The following TNFRSF9 variants were observed in gnomAD, a reference collection of about 807,000 sequenced individuals.
The protein encoded by TNFRSF9 is tumor necrosis factor receptor superfamily member 9.
Under a neutral mutation model 28.8 loss-of-function variants are expected in TNFRSF9, and 16 were observed. The observed-to-expected ratio is 0.55, with a 90% CI of 0.38 to 0.84. The LOEUF (loss-of-function observed/expected upper bound fraction) is 0.84, where lower values mean the gene tolerates loss of function less well. TNFRSF9 is among the 40% of genes least tolerant of loss of function. TNFRSF9 has a pLI of 0.00. For synonymous variants in TNFRSF9, 131 were observed against 117.0 expected, an observed-to-expected ratio of 1.12 and a Z score of -0.77; for missense variants, 303 against 315.0, an observed-to-expected ratio of 0.96 and a Z score of 0.29.
rs922010223 is a variant in TNFRSF9 at position 7,916,548 on chromosome 1, T to A, written c.*4287A>T. 6.6e-6 allele frequency: 1 copy of A among 152,208 alleles called. No individual in the cohort carries two copies. The highest frequency in any genetic ancestry group is 2.4e-5 in the African/African-American group (1 of 41,442). The allele number at this position is 152,208 out of a possible 1,614,324, so 9.4% of individuals were successfully genotyped here. A position where few individuals can be genotyped will look rare whatever the true frequency, so the allele number is the denominator to read the frequency against. On this transcript the variant is annotated 3_prime_UTR_variant, in exon 8 of 8. Coordinates refer to ENST00000377507, the MANE Select transcript of TNFRSF9 (RefSeq NM_001561.6). ...CATTATCTTGGATACCCCAACCCTG[T>A]GGGGCATGACCAGTCTCTTTCTGTT...
rs559031422 is a variant in TNFRSF9, at chr1:7,935,792, C to T, written c.414-649G>A. ...TGATCACTTGAACCCAGGAGTTTGACGCTGTCTCAGAAAGAAAAGAAAAAA... is the reference window on the plus strand; with the variant it reads ...TGATCACTTGAACCCAGGAGTTTGATGCTGTCTCAGAAAGAAAAGAAAAAA... On this transcript the variant is annotated intron_variant, in intron 5 of 7. Coordinates refer to ENST00000377507, the MANE Select transcript of TNFRSF9 (RefSeq NM_001561.6). 3.9e-5 allele frequency among the ~76,000 whole-genome samples: 6 copies of T among 152,164 alleles called. No homozygotes were observed. The South Asian group carries it at 8.3e-4, about 21-fold the overall frequency.
At position 7,917,550 on chromosome 1, in the gene TNFRSF9, T is replaced by C. The variant is rs1228395658; in HGVS notation, c.*3285A>G. On this transcript the variant is annotated 3_prime_UTR_variant, in exon 8 of 8. Coordinates refer to ENST00000377507, the MANE Select transcript of TNFRSF9 (RefSeq NM_001561.6). ...GGCACAAAAGCCAGTTCCTGATACA[T>C]TAGACTTCAAGATGAAAGACAAAAC... 6.6e-6 allele frequency: 1 copy of C among 152,134 alleles called. No individual in the cohort carries two copies. Among genetic ancestry groups the C allele is most frequent in the East Asian group, 1.9e-4 (1 of 5,196 alleles). The allele number at this position is 152,134 out of a possible 1,614,324, so 9.4% of individuals were successfully genotyped here.
Position 7,919,151 on chromosome 1 carries a change from A to C in TNFRSF9, c.*1684T>G, listed in dbSNP as rs1342130988. On this transcript the variant is annotated 3_prime_UTR_variant, in exon 8 of 8. Coordinates refer to ENST00000377507, the MANE Select transcript of TNFRSF9 (RefSeq NM_001561.6). ...AAATAGAAGCTGCTCCCTCCACCTA[A>C]ATCCCAGAGTAAAATAACATGGGAC... 1 of 152,104 alleles carries C rather than the reference A, an allele frequency of 6.6e-6. No homozygotes were observed. The highest frequency in any genetic ancestry group is 1.5e-5 in the Non-Finnish European group (1 of 68,028). The allele number at this position is 152,104 out of a possible 1,614,324, so 9.4% of individuals were successfully genotyped here. A position where few individuals can be genotyped will look rare whatever the true frequency, so the allele number is the denominator to read the frequency against.
intron 5 of TNFRSF9, 46 bp downstream of exon 5, chr1:7,937,644 T>G (rs1338823011): frequency 6.5e-7 from 1 of 1,537,720 alleles, no homozygotes; most frequent in Non-Finnish European, 9.0e-7. Flanking sequence ...TCCAAAAAAT[T>G]TAACCCAGAT....
chr1:7,930,123 C>T (rs1351742078), intron 7 of TNFRSF9, among the ~76,000 whole-genome samples: 13 of 152,000 alleles, frequency 8.6e-5, no homozygotes, highest in Admixed American at 8.5e-4. Flanking sequence ...GCATGCACCA[C>T]CACGCCTGGC....
intron 2 of TNFRSF9, 100 bp downstream of exon 2, chr1:7,939,795 T>C: frequency 1.2e-6 from 1 of 815,014 alleles, no homozygotes; most frequent in Non-Finnish European, 1.9e-6. Flanking sequence ...ATTTTCATTT[T>C]CCTTTCCTTA....
chr1:7,938,833 G>C lies in TNFRSF9; in HGVS notation c.101-5C>G. 27 of 1,603,100 alleles carry C rather than the reference G, an allele frequency of 1.7e-5. No homozygotes were observed. Among genetic ancestry groups the C allele is most frequent in the Non-Finnish European group, 2.3e-5 (27 of 1,170,914 alleles). On this transcript the variant is annotated splice_polypyrimidine_tract_variant and splice_region_variant and intron_variant, in intron 2 of 7. Coordinates refer to ENST00000377507, the MANE Select transcript of TNFRSF9 (RefSeq NM_001561.6). ...TGTTATTATCACAGAATGTACCTAA[G>C]AAAGGCAGACAATAGTGGTACACGT...
chr1:7,938,387 A>G, intron 3 of TNFRSF9, 57 bp from the exon 4 acceptor site: 1 of 1,483,376 alleles, frequency 6.7e-7, no homozygotes, highest in Non-Finnish European at 9.0e-7. Context: ...AAATCCAGGA[A>G]GCGAATTTAT....
At chr1:7,923,648 G>A (rs1639595497) in intron 7 of TNFRSF9, among the ~76,000 whole-genome samples, 3 of 152,120 alleles carry the variant, frequency 2.0e-5, no homozygotes, top group Admixed American at 6.6e-5. Context: ...GACCAGCTTG[G>A]GTAACAGAGC....
intron 5 of TNFRSF9, among the ~76,000 whole-genome samples, chr1:7,935,455 G>T (rs767154826): frequency 4.6e-5 from 7 of 152,158 alleles, no homozygotes; most frequent in Admixed American, 1.3e-4. Context: ...GGGTTAGGAG[G>T]TCCAGCACTA....
At chr1:7,925,790 C>G (rs1639643022) in intron 7 of TNFRSF9, among the ~76,000 whole-genome samples, 1 of 152,102 alleles carries the variant, frequency 6.6e-6, no homozygotes, top group Non-Finnish European at 1.5e-5. Flanking sequence ...CTATGAGAAT[C>G]TAATGCCGCT....
chr1:7,932,643 C>T (rs1004752449), intron 7 of TNFRSF9, among the ~76,000 whole-genome samples: 5 of 151,752 alleles, frequency 3.3e-5, no homozygotes, highest in Non-Finnish European at 5.9e-5. Context: ...TTCTTCTTTG[C>T]CAGTGTCCTC....
At chr1:7,927,498 C>G (rs9658018) in intron 7 of TNFRSF9, among the ~76,000 whole-genome samples, 1 of 152,072 alleles carries the variant, frequency 6.6e-6, no homozygotes, top group Non-Finnish European at 1.5e-5. Flanking sequence ...CTTTTGCCCC[C>G]CTTTGTTCAG....
At chr1:7,925,829 C>T (rs1349845442) in intron 7 of TNFRSF9, among the ~76,000 whole-genome samples, 1 of 152,068 alleles carries the variant, frequency 6.6e-6, no homozygotes, top group African/African-American at 2.4e-5. Flanking sequence ...GGAGATAAGG[C>T]GGTAATGCAA....
chr1:7,939,472 G>C (rs556110379), intron 2 of TNFRSF9, among the ~76,000 whole-genome samples: 1 of 152,274 alleles, frequency 6.6e-6, no homozygotes, highest in East Asian at 1.9e-4. Flanking sequence ...GGATCCAGGA[G>C]GACATCAATG....
intron 2 of TNFRSF9, 21 bp downstream of exon 2, chr1:7,939,874 A>G: frequency 1.3e-6 from 2 of 1,568,148 alleles, no homozygotes; most frequent in Non-Finnish European, 1.8e-6. Flanking sequence ...GATCAAATGC[A>G]CATGATAACT....
chr1:7,931,353 A>C (rs1182995385), intron 7 of TNFRSF9, among the ~76,000 whole-genome samples: 1 of 152,384 alleles, frequency 6.6e-6, no homozygotes, highest in Middle Eastern at 3.4e-3. Flanking sequence ...TACATGTAAT[A>C]ACCCCAAGCT....
At chr1:7,932,381 T>G (rs1639743599) in intron 7 of TNFRSF9, among the ~76,000 whole-genome samples, 1 of 152,202 alleles carries the variant, frequency 6.6e-6, no homozygotes, top group South Asian at 2.1e-4. Context: ...ATCAATGGCT[T>G]TTGTCTAGTG....
Position 7,934,023 on chromosome 1 carries a change from C to T in TNFRSF9, c.545-727G>A, listed in dbSNP as rs547214030. Among the ~76,000 whole-genome samples the T allele has an allele frequency of 2.0e-5, 3 of 151,144 alleles. No homozygotes were observed. In the South Asian group the frequency reaches 6.3e-4, roughly 31 times the overall value. On this transcript the variant is annotated intron_variant, in intron 6 of 7. Transcript: ENST00000377507. The stretch of plus-strand genomic sequence containing the variant: ...CAGAGAGAGACTCTGTCCACCCCCC[C>T]AAAAAAATAAAAGAAACTTAATAAT...
Sources: gnomAD v4.1 joint callset for allele counts (sites outside exome capture counted in the v4.1 genomes callset) on GRCh38, gnomAD v4.1.1 for gene constraint, MANE v1.5 for transcripts, NCBI Gene and HGNC (gene_info 2026-07-23, HGNC 2026-07-21) for gene names.